SRGAP3: variants seen among roughly 807,000 people sequenced by gnomAD.
SRGAP3 encodes the protein SLIT-ROBO Rho GTPase activating protein 3, also known as SLIT-ROBO Rho GTPase-activating protein 3.
A neutral mutation model predicts 121.1 loss-of-function variants in SRGAP3; 39 were observed. That is an observed-to-expected ratio of 0.32 (90% CI 0.25 to 0.42). The LOEUF is 0.42. Ranked by LOEUF, SRGAP3 falls within the 10% of genes least tolerant of loss-of-function variation. The pLI, the probability that SRGAP3 is intolerant of heterozygous loss-of-function variation, is 1.00. For missense variants in SRGAP3, 1,213 were observed against 1,470.6 expected, an observed-to-expected ratio of 0.82 and a Z score of 2.86; for synonymous variants, 601 against 570.0, an observed-to-expected ratio of 1.05 and a Z score of -0.77.
At chr3:9,126,303 C>A (rs1358299972) in intron 1 of SRGAP3, among the ~76,000 whole-genome samples, 1 of 152,194 alleles carries the variant, frequency 6.6e-6, no homozygotes, top group Non-Finnish European at 1.5e-5. Context: ...AATGTCGAGA[C>A]ATCTGGGTGT....
rs1165869416 is a variant in SRGAP3 at position 9,239,938 on chromosome 3, C to CA, written c.67+8946dup. Among the ~76,000 whole-genome samples, 1 of 152,140 alleles carries CA rather than the reference C, an allele frequency of 6.6e-6. No homozygotes were observed. Among genetic ancestry groups the CA allele is most frequent in the African/African-American group, 2.4e-5 (1 of 41,420 alleles). On this transcript the variant is annotated intron_variant, in intron 1 of 21. Coordinates refer to ENST00000383836, the MANE Select transcript of SRGAP3 (RefSeq NM_014850.4). This position sits in a 1 kb window ranked among gnomAD's most constrained non-coding sequence, Gnocchi z 4.0. ...ATATTCTAAAATGTAACTCAGAAAA[C>CA]AGAGTCTTGTGACCCAGTCCATGAA...
chr3:9,183,867 C>G (rs925630415), intron 1 of SRGAP3, among the ~76,000 whole-genome samples: 2 of 151,972 alleles, frequency 1.3e-5, no homozygotes, highest in Admixed American at 6.6e-5. Flanking sequence ...CCCTCAGCCC[C>G]CACAGCTGTA....
intron 4 of SRGAP3, among the ~76,000 whole-genome samples, chr3:9,067,653 C>T (rs74379879): frequency 2.0e-5 from 3 of 152,082 alleles, no homozygotes; most frequent in Non-Finnish European, 4.4e-5. Flanking sequence ...TCAGGGGAGG[C>T]GGCGGGAGGG....
intron 1 of SRGAP3, among the ~76,000 whole-genome samples, chr3:9,216,190 C>G (rs1054786048): frequency 6.6e-6 from 1 of 152,232 alleles, no homozygotes; most frequent in Non-Finnish European, 1.5e-5. Context: ...TATGCTTTCC[C>G]TCTTCTGTGC....
At chr3:9,065,945 G>C (rs1389236869) in intron 4 of SRGAP3, among the ~76,000 whole-genome samples, 2 of 152,108 alleles carry the variant, frequency 1.3e-5, no homozygotes, top group African/African-American at 4.8e-5. Flanking sequence ...TTTTCTACCA[G>C]ATCATCCTAG....
At chr3:9,270,095 C>G (rs1393081043) in intron 3 of SRGAP3, among the ~76,000 whole-genome samples, 1 of 152,108 alleles carries the variant, frequency 6.6e-6, no homozygotes. Flanking sequence ...GCTGACATTG[C>G]TAGTCTGGAG....
rs143688950 is a variant in SRGAP3 at position 9,322,085 on chromosome 3, A to T, written n.442+3925T>A. On this transcript the variant is annotated intron_variant and non_coding_transcript_variant, in intron 3 of 3. Transcript: ENST00000490889. ...CTTGGAGATAAGATACCAGGGTTCA[A>T]ATCTTAGCTACTTACCAGCTATGGA... 4.6e-5 allele frequency among the ~76,000 whole-genome samples: 7 copies of T among 151,892 alleles called. No homozygotes were observed. In the East Asian group the frequency reaches 1.4e-3, roughly 29 times the overall value.
chr3:9,299,065 A>AAG (rs1955002108), intron 3 of SRGAP3, among the ~76,000 whole-genome samples: 2 of 149,428 alleles, frequency 1.3e-5, no homozygotes, highest in Non-Finnish European at 3.0e-5. Flanking sequence ...AAAAAAAAAA[A>AAG]AAAAAGAAAA....
upstream of SRGAP3, among the ~76,000 whole-genome samples, chr3:9,252,738 C>T (rs1954046337): frequency 1.3e-5 from 2 of 152,172 alleles, no homozygotes. Context: ...CCGCTGCCCT[C>T]CTGTGACTCC....
chr3:9,010,271 G>A (rs1294263571), intron 18 of SRGAP3, 37 bp downstream of exon 18: 4 of 1,612,606 alleles, frequency 2.5e-6, no homozygotes, highest in Non-Finnish European at 3.4e-6. Flanking sequence ...AGAGGCCCCA[G>A]GAAGAATCCC....
chr3:9,182,175 CAAAAAAAAA>C (rs34305216), intron 1 of SRGAP3, among the ~76,000 whole-genome samples: 2 of 37,282 alleles, frequency 5.4e-5, no homozygotes, highest in Non-Finnish European at 8.5e-5. Context: ...GACTCTGTCT[CAAAAAAAAA>C]AAAAAAAAAA....
chr3:9,137,291 G>A (rs1246574009), intron 1 of SRGAP3, among the ~76,000 whole-genome samples: 27 of 152,234 alleles, frequency 1.8e-4, no homozygotes, highest in Non-Finnish European at 1.5e-5. Flanking sequence ...GCCAGGCTTA[G>A]AACAGAGAAT....
Position 8,994,510 on chromosome 3 carries a change from G to T in SRGAP3, c.2241C>A (p.Ile747=), listed in dbSNP as rs551010146. 3 of 1,613,634 alleles carry T rather than the reference G, an allele frequency of 1.9e-6. No individual in the cohort carries two copies. Among genetic ancestry groups the T allele is most frequent in the African/African-American group, 1.3e-5 (1 of 74,928 alleles). The change falls in exon 19 of 22, where the codon ATC becomes ATA. Residue 747 remains isoleucine, a synonymous_variant. Transcript: ENST00000383836. ...PHTSDEEVEQ[I]EAIAKFDYMG... is the part of the protein sequence containing the mutation. ...TGTAGTCAAACTTGGCAATAGCCTC[G>T]ATCTGCTCCACTTCTGGAAGGAAAT...
intron 3 of SRGAP3, among the ~76,000 whole-genome samples, chr3:9,254,867 G>A (rs962256433): frequency 1.3e-5 from 2 of 148,900 alleles, no homozygotes; most frequent in African/African-American, 5.0e-5. Context: ...AGGAAAGAGA[G>A]AGAGAGAAAG....
intron 1 of SRGAP3, among the ~76,000 whole-genome samples, chr3:9,144,471 C>T (rs1158285120): frequency 6.6e-6 from 1 of 152,248 alleles, no homozygotes; most frequent in African/African-American, 2.4e-5. Context: ...GCTGTGTCTC[C>T]ACCCAAATCT....
intron 3 of SRGAP3, among the ~76,000 whole-genome samples, chr3:9,295,311 T>C (rs1328145216): frequency 6.6e-6 from 1 of 152,228 alleles, no homozygotes; most frequent in Non-Finnish European, 1.5e-5. Flanking sequence ...CATTCTTTAG[T>C]GACCTCAGAA....
intron 1 of SRGAP3, among the ~76,000 whole-genome samples, chr3:9,209,208 G>C (rs1288062222): frequency 6.6e-6 from 1 of 152,094 alleles, no homozygotes; most frequent in Non-Finnish European, 1.5e-5. Context: ...TAACACATAT[G>C]ATTACTTAAA....
intron 18 of SRGAP3, among the ~76,000 whole-genome samples, chr3:9,001,180 G>A (rs1297634411): frequency 1.3e-5 from 2 of 152,166 alleles, no homozygotes; most frequent in African/African-American, 4.8e-5. Flanking sequence ...ACAGTAGGTT[G>A]ACTATAGTTA....
intron 2 of SRGAP3, among the ~76,000 whole-genome samples, chr3:9,123,754 GTA>G (rs1949112213): frequency 6.7e-5 from 10 of 149,644 alleles, no homozygotes; most frequent in East Asian, 2.0e-4. Context: ...GTGTGTGTGT[GTA>G]TGTGTGTATA....
Sources: gnomAD v4.1 joint callset for allele counts (sites outside exome capture counted in the v4.1 genomes callset) on GRCh38, gnomAD v4.1.1 for gene constraint, Gnocchi (gnomAD v3.1) non-coding constraint, MANE v1.5 for transcripts, NCBI Gene and HGNC (gene_info 2026-07-23, HGNC 2026-07-21) for gene names.